Variants in FSTL5 observed in about 807,000 individuals in gnomAD.
FSTL5 encodes follistatin like 5, also known as follistatin-related protein 5.
FSTL5 carries 62 observed loss-of-function variants against 89.1 expected under a neutral mutation model. That is an observed-to-expected ratio of 0.70 (90% CI 0.57 to 0.86). The LOEUF is 0.86. Among genes scored for constraint, FSTL5 ranks in the 40% least tolerant of loss-of-function variants. FSTL5 has a pLI of 0.00. For synonymous variants in FSTL5, 383 were observed against 346.2 expected, an observed-to-expected ratio of 1.11 and a Z score of -1.18; for missense variants, 1,057 against 1,001.6, an observed-to-expected ratio of 1.06 and a Z score of -0.75.
intron 2 of FSTL5, among the ~76,000 whole-genome samples, chr4:162,082,954 T>C (rs1397608156): frequency 6.6e-6 from 1 of 151,554 alleles, no homozygotes; most frequent in Non-Finnish European, 1.5e-5. Context: ...TAAATCAATA[T>C]CAAATACAAA....
At chr4:161,732,121 T>C (rs1739632031) in intron 6 of FSTL5, among the ~76,000 whole-genome samples, 2 of 152,078 alleles carry the variant, frequency 1.3e-5, no homozygotes, top group African/African-American at 4.8e-5. Flanking sequence ...GTTATTCCAT[T>C]TTACACCCTT....
At chr4:162,056,497 T>C (rs1205670557) in intron 2 of FSTL5, among the ~76,000 whole-genome samples, 3 of 152,148 alleles carry the variant, frequency 2.0e-5, no homozygotes, top group African/African-American at 7.2e-5. Context: ...GTATGAACAT[T>C]CTGTCCTTTA....
chr4:161,390,097 T>C (rs956632163), intron 15 of FSTL5, among the ~76,000 whole-genome samples: 2 of 152,130 alleles, frequency 1.3e-5, no homozygotes, highest in Non-Finnish European at 1.5e-5. Context: ...ATATCTCACA[T>C]TGTTAAAAAT....
intron 6 of FSTL5, among the ~76,000 whole-genome samples, chr4:161,697,822 T>C (rs1289618385): frequency 6.6e-6 from 1 of 152,040 alleles, no homozygotes; most frequent in East Asian, 1.9e-4. Context: ...ATGAAACAAA[T>C]CTCTAGAGCC....
chr4:162,136,376 T>C (rs1178424836), intron 1 of FSTL5, among the ~76,000 whole-genome samples: 1 of 152,046 alleles, frequency 6.6e-6, no homozygotes, highest in Non-Finnish European at 1.5e-5. Context: ...AGGGTCATGA[T>C]AAATACTTTG....
chr4:162,095,584 G>C lies in FSTL5; in HGVS notation c.126+15687C>G, dbSNP rs150881458. 5.9e-3 allele frequency among the ~76,000 whole-genome samples: 901 copies of C among 152,120 alleles called. 5 individuals are homozygous for C. The highest frequency in any genetic ancestry group is 8.1e-3 in the Non-Finnish European group (549 of 67,898). On this transcript the variant is annotated intron_variant, in intron 2 of 15. Coordinates refer to ENST00000306100, the MANE Select transcript of FSTL5 (RefSeq NM_020116.5). ...ATCTTGAGGAACGGTTTTTCAAAGA[G>C]AGGAACACTAAGCAGAAAAATGGGT...
intron 2 of FSTL5, among the ~76,000 whole-genome samples, chr4:162,085,761 T>C (rs1393530183): frequency 6.6e-6 from 1 of 152,130 alleles, no homozygotes; most frequent in Non-Finnish European, 1.5e-5. Flanking sequence ...TGAATAGCTC[T>C]GTCATTTGCA....
At chr4:161,698,952 T>TCAGAA (rs1553959378) in intron 6 of FSTL5, among the ~76,000 whole-genome samples, 1 of 151,436 alleles carries the variant, frequency 6.6e-6, no homozygotes, top group Non-Finnish European at 1.5e-5. Context: ...AGACTCTGTC[T>TCAGAA]CAAAACAAAA....
intron 8 of FSTL5, among the ~76,000 whole-genome samples, chr4:161,587,073 T>G (rs1733639833): frequency 6.6e-6 from 1 of 152,128 alleles, no homozygotes; most frequent in African/African-American, 2.4e-5. Flanking sequence ...AAACTTGCTA[T>G]ACATGAATAA....
intron 4 of FSTL5, among the ~76,000 whole-genome samples, chr4:161,825,759 T>C (rs1480973755): frequency 6.6e-6 from 1 of 152,164 alleles, no homozygotes; most frequent in Non-Finnish European, 1.5e-5. Flanking sequence ...TTATTTGAGC[T>C]TATTTGGATC....
At chr4:161,691,840 C>T (rs1274897082) in intron 6 of FSTL5, among the ~76,000 whole-genome samples, 2 of 151,978 alleles carry the variant, frequency 1.3e-5, no homozygotes, top group Non-Finnish European at 2.9e-5. Context: ...TATAGAAGCA[C>T]CACTAATTTT....
intron 1 of FSTL5, among the ~76,000 whole-genome samples, chr4:162,118,410 G>A (rs1227499549): frequency 1.3e-5 from 2 of 152,162 alleles, no homozygotes; most frequent in South Asian, 2.1e-4. Context: ...ACAGGGCCCC[G>A]CCACCACGCC....
At chr4:161,726,041 T>TA (rs1240168011) in intron 6 of FSTL5, among the ~76,000 whole-genome samples, 50 of 152,068 alleles carry the variant, frequency 3.3e-4, no homozygotes, top group Admixed American at 3.1e-3. Flanking sequence ...TAACCTACGG[T>TA]AAAAAAGCTG....
chr4:161,870,422 G>T (rs1216099168), intron 4 of FSTL5, among the ~76,000 whole-genome samples: 1 of 151,928 alleles, frequency 6.6e-6, no homozygotes, highest in East Asian at 1.9e-4. Context: ...CAAGTATCAT[G>T]GTATAGTGGA....
At chr4:162,082,913 C>T (rs895324841) in intron 2 of FSTL5, among the ~76,000 whole-genome samples, 1 of 151,200 alleles carries the variant, frequency 6.6e-6, no homozygotes, top group Non-Finnish European at 1.5e-5. Flanking sequence ...CAACTAATCA[C>T]GGAATAAATG....
chr4:161,670,949 T>G (rs1737081721), intron 6 of FSTL5, among the ~76,000 whole-genome samples: 2 of 152,204 alleles, frequency 1.3e-5, no homozygotes, highest in South Asian at 4.1e-4. Flanking sequence ...GTAAGGAATG[T>G]CAGCTGTGAG....
intron 10 of FSTL5, among the ~76,000 whole-genome samples, chr4:161,519,176 G>A (rs1326535059): frequency 6.6e-6 from 1 of 152,126 alleles, no homozygotes; most frequent in Non-Finnish European, 1.5e-5. Context: ...TTTCAACGTG[G>A]GAAGAGATTG....
At chr4:162,114,368 G>A (rs1407491272) in intron 1 of FSTL5, among the ~76,000 whole-genome samples, 2 of 152,098 alleles carry the variant, frequency 1.3e-5, no homozygotes, top group East Asian at 1.9e-4. Context: ...TGTTGTCCAC[G>A]AGGAGAGTCA....
intron 4 of FSTL5, among the ~76,000 whole-genome samples, chr4:161,781,416 TTTAC>T (rs1190701215): frequency 2.0e-5 from 3 of 152,138 alleles, no homozygotes; most frequent in African/African-American, 4.8e-5. Context: ...TTTTTTGAAC[TTTAC>T]TTAAGTGTAC....
Sources: allele counts gnomAD v4.1 joint callset (sites outside exome capture counted in the v4.1 genomes callset), GRCh38; gene constraint gnomAD v4.1.1; transcripts MANE v1.5; gene names NCBI Gene and HGNC (gene_info 2026-07-23, HGNC 2026-07-21).